RASA2: variants seen among roughly 807,000 people sequenced by gnomAD.
RASA2 encodes the protein RAS p21 protein activator 2.
RASA2 carries 155 observed loss-of-function variants against 118.2 expected under a neutral mutation model. The observed-to-expected ratio is 1.31, with a 90% confidence interval of 1.15 to 1.50. The LOEUF (loss-of-function observed/expected upper bound fraction) is 1.50, where lower values mean the gene tolerates loss of function less well. Ranked by LOEUF, RASA2 falls within the 40% of genes most tolerant of loss-of-function variation. The pLI, the probability that RASA2 is intolerant of heterozygous loss-of-function variation, is 0.00. For synonymous variants in RASA2, 353 were observed against 349.1 expected, an observed-to-expected ratio of 1.01 and a Z score of -0.12; for missense variants, 1,016 against 1,009.6, an observed-to-expected ratio of 1.01 and a Z score of -0.09.
In RASA2 at chr3:141,581,160, ATT is replaced by A; in HGVS notation, c.1736_1737del (p.Ile579AsnfsTer4). 6.6e-7 allele frequency: 1 copy of A among 1,526,056 alleles called. No individual in the cohort carries two copies. Among genetic ancestry groups the A allele is most frequent in the Non-Finnish European group, 8.7e-7 (1 of 1,145,014 alleles). 94.5% of individuals were successfully genotyped at this position (1,526,056 alleles called of 1,614,324 possible). The part of the protein sequence containing the change: ...FFKMFQEEGY[I>X]IAVKKFLDEI... ...CAAAATGTTTCAAGAAGAAGGATATATTATAGCAGTTAAAAAGGTATGATGGT... is the reference window on the plus strand; with the variant it reads ...CAAAATGTTTCAAGAAGAAGGATATAATAGCAGTTAAAAAGGTATGATGGT... On this transcript the variant is annotated frameshift_variant, in exon 17 of 24. Transcript: ENST00000286364. LOFTEE classifies it high-confidence loss of function.
intron 22 of RASA2, 127 bp downstream of exon 22, chr3:141,609,650 A>T: frequency 2.3e-6 from 2 of 874,866 alleles, no homozygotes. Context: ...TTGAAAGTTG[A>T]CAAACCCACA....
chr3:141,609,208 C>A (rs1206792727), intron 21 of RASA2, among the ~76,000 whole-genome samples: 1 of 152,110 alleles, frequency 6.6e-6, no homozygotes, highest in Non-Finnish European at 1.5e-5. Flanking sequence ...AATGATTTTA[C>A]TTTAAAATTT....
intron 5 of RASA2, among the ~76,000 whole-genome samples, chr3:141,552,701 T>C (rs1352916177): frequency 6.6e-6 from 1 of 152,192 alleles, no homozygotes; most frequent in Admixed American, 6.5e-5. Flanking sequence ...TCAAAATTTC[T>C]TTCTTTATTT....
chr3:141,571,444 AT>A lies in RASA2; in HGVS notation c.1060del (p.Cys354ValfsTer31), dbSNP rs760461320. 1 of 1,613,804 alleles carries A rather than the reference AT, an allele frequency of 6.2e-7. No individual in the cohort carries two copies. Among genetic ancestry groups the A allele is most frequent in the Non-Finnish European group, 8.5e-7 (1 of 1,179,846 alleles). ...CAGCTGCTTACATTTTGAGTGAAAT[AT>A]GTCGAGATAAAAATGATGCTGTTTT... The part of the protein sequence containing the change: ...ASAAYILSEI[C>X]RDKNDAVLPL... On this transcript the variant is annotated frameshift_variant, in exon 11 of 24. Transcript: ENST00000286364. LOFTEE classifies it high-confidence loss of function.
At chr3:141,597,580 G>A (rs2083393138) in intron 19 of RASA2, among the ~76,000 whole-genome samples, 1 of 152,028 alleles carries the variant, frequency 6.6e-6, no homozygotes, top group Non-Finnish European at 1.5e-5. Flanking sequence ...ACCTTCATTT[G>A]TACACTTAAA....
chr3:141,583,181 T>A (rs967342887), intron 17 of RASA2, among the ~76,000 whole-genome samples: 1 of 152,128 alleles, frequency 6.6e-6, no homozygotes, highest in Non-Finnish European at 1.5e-5. Flanking sequence ...CCCAGCACTT[T>A]GGGAGGCCGA....
intron 16 of RASA2, 120 bp downstream of exon 16, chr3:141,580,571 C>A: frequency 1.6e-6 from 1 of 640,714 alleles, no homozygotes; most frequent in Middle Eastern, 4.4e-4. Context: ...CACACACACA[C>A]ACACACAGAC....
At chr3:141,539,558 T>C (rs1007224592) in intron 4 of RASA2, among the ~76,000 whole-genome samples, 2 of 152,188 alleles carry the variant, frequency 1.3e-5, no homozygotes, top group Non-Finnish European at 2.9e-5. Context: ...AGTGACTAGA[T>C]AATGAACTTT....
At chr3:141,593,537 C>G (rs1026604620) in intron 19 of RASA2, among the ~76,000 whole-genome samples, 1 of 152,094 alleles carries the variant, frequency 6.6e-6, no homozygotes, top group South Asian at 2.1e-4. Flanking sequence ...GTGAACTCCT[C>G]TGAAATATTT....
In RASA2 at chr3:141,523,098, T is replaced by TA. The variant is rs111229593; in HGVS notation, c.356-6603dup. 4.4e-3 allele frequency among the ~76,000 whole-genome samples: 663 copies of TA among 152,138 alleles called. 8 individuals are homozygous for TA. Among genetic ancestry groups the TA allele is most frequent in the African/African-American group, 0.014 (594 of 41,504 alleles). On this transcript the variant is annotated intron_variant, in intron 3 of 23. Coordinates refer to ENST00000286364, the MANE Select transcript of RASA2 (RefSeq NM_006506.5). The stretch of plus-strand genomic sequence containing the variant: ...TTATGTATGGATATTTTTATTTTTG[T>TA]AAAAAAATTTTAAATTATGGCATAG...
rs372916137 is a variant in RASA2 at position 141,571,409 on chromosome 3, A to G, written c.1024A>G (p.Ile342Val). ...TTTTCTACCTTTCTGTATTTAGCCA[A>G]TATCTGCCTCAGCTGCTTACATTTT... ...LLLKSPDVQPISASAAYILSE... is the reference protein window; with the variant it reads ...LLLKSPDVQPVSASAAYILSE... The change falls in exon 11 of 24, where the codon ATA becomes GTA. Residue 342 changes from isoleucine (I) to valine (V), a missense_variant. By Grantham distance (29) the Ile-to-Val change is conservative (BLOSUM62 3). Coordinates refer to ENST00000286364, the MANE Select transcript of RASA2 (RefSeq NM_006506.5). The G allele has an allele frequency of 1.9e-6, 3 of 1,611,856 alleles. No individual in the cohort carries two copies. The highest frequency in any genetic ancestry group is 2.5e-6 in the Non-Finnish European group (3 of 1,179,368).
At chr3:141,603,569 C>G (rs1360927574) in intron 19 of RASA2, among the ~76,000 whole-genome samples, 1 of 151,362 alleles carries the variant, frequency 6.6e-6, no homozygotes, top group Non-Finnish European at 1.5e-5. Context: ...AAAACTCTGT[C>G]TCAAAAAAAA....
Position 141,612,907 on chromosome 3 carries a change from T to A in RASA2, c.*594T>A, listed in dbSNP as rs2083674309. 6.6e-6 allele frequency: 1 copy of A among 152,290 alleles called. No homozygotes were observed. Among genetic ancestry groups the A allele is most frequent in the African/African-American group, 2.4e-5 (1 of 41,466 alleles). The allele number at this position is 152,290 out of a possible 1,614,324, so 9.4% of individuals were successfully genotyped here. A position where few individuals can be genotyped will look rare whatever the true frequency, so the allele number is the denominator to read the frequency against. ...TTGAAAGTTGGTAGATCCTTTTGCC[T>A]AAAGATGTAAACAAAACTCAAGACA... On this transcript the variant is annotated 3_prime_UTR_variant, in exon 24 of 24. Coordinates refer to ENST00000286364, the MANE Select transcript of RASA2 (RefSeq NM_006506.5).
At chr3:141,535,389 T>A (rs1032660450) in intron 4 of RASA2, among the ~76,000 whole-genome samples, 1 of 152,266 alleles carries the variant, frequency 6.6e-6, no homozygotes, top group African/African-American at 2.4e-5. Flanking sequence ...CATACTGAGT[T>A]ATTTTATATG....
chr3:141,507,887 G>T (rs1197626287), intron 1 of RASA2, among the ~76,000 whole-genome samples: 1 of 152,166 alleles, frequency 6.6e-6, no homozygotes, highest in Non-Finnish European at 1.5e-5. Context: ...GCTGGGAAAT[G>T]TATTTTTTAA....
chr3:141,545,844 AT>A (rs2082477422), intron 5 of RASA2, among the ~76,000 whole-genome samples: 1 of 151,898 alleles, frequency 6.6e-6, no homozygotes, highest in East Asian at 1.9e-4. Context: ...ATCTAACTAT[AT>A]TTTTGTACCC....
chr3:141,606,043 G>A (rs1560065877), intron 19 of RASA2, among the ~76,000 whole-genome samples: 2 of 152,152 alleles, frequency 1.3e-5, no homozygotes, highest in Admixed American at 6.6e-5. Flanking sequence ...CCTGGGAATG[G>A]GGAGGGCCTG....
At chr3:141,561,155 A>G (rs1272790373) in intron 9 of RASA2, among the ~76,000 whole-genome samples, 1 of 152,156 alleles carries the variant, frequency 6.6e-6, no homozygotes, top group Admixed American at 6.6e-5. Context: ...CTCCCACTAC[A>G]CCATGTCTTC....
intron 11 of RASA2, 123 bp from the exon 12 acceptor site, chr3:141,572,486 G>A: frequency 1.6e-6 from 1 of 639,824 alleles, no homozygotes. Context: ...GGTCACTTAT[G>A]CCTTCTAGTA....
Sources: gnomAD v4.1 joint callset for allele counts (sites outside exome capture counted in the v4.1 genomes callset) on GRCh38, gnomAD v4.1.1 for gene constraint, MANE v1.5 for transcripts, NCBI Gene and HGNC (gene_info 2026-07-23, HGNC 2026-07-21) for gene names.